SIPA1L3: variants seen among roughly 807,000 people sequenced by gnomAD.
The protein encoded by SIPA1L3 is signal induced proliferation associated 1 like 3, also known as signal-induced proliferation-associated 1-like protein 3.
A neutral mutation model predicts 150.1 loss-of-function variants in SIPA1L3; 59 were observed. That is an observed-to-expected ratio of 0.39 (90% CI 0.32 to 0.49). The LOEUF is 0.49. SIPA1L3 is among the 20% of genes least tolerant of loss of function. The pLI is 0.86. For synonymous variants in SIPA1L3, 1,070 were observed against 1,077.6 expected (o/e 0.99, Z 0.14); for missense variants, 2,211 against 2,489.5 (o/e 0.89, Z 2.38).
chr19:38,078,484 G>GCA (rs377675160), intron 2 of SIPA1L3, among the ~76,000 whole-genome samples: 9,472 of 127,982 alleles, frequency 0.074, 924 homozygotes, highest in African/African-American at 0.24. Context: ...ACACAGACAT[G>GCA]CACACACACA....
chr19:38,041,353 A>G lies in SIPA1L3; in HGVS notation c.-311+12197A>G, dbSNP rs1216756878. 2.2e-5 allele frequency among the ~76,000 whole-genome samples: 3 copies of G among 137,236 alleles called. 1 individual carries two copies. The Admixed American group carries it at 2.6e-4, about 12-fold the overall frequency. The allele number at this position is 137,236 out of a possible 152,430, so 90.0% of individuals were successfully genotyped here. Reference sequence around the variant, plus strand: ...GAGTGCTATGTCATGATCTGAGCTCACTGCAACCTCCGCCTCCCGGGTTCA... The same window carrying G: ...GAGTGCTATGTCATGATCTGAGCTCGCTGCAACCTCCGCCTCCCGGGTTCA... On this transcript the variant is annotated intron_variant, in intron 2 of 21. Transcript: ENST00000222345.
intron 6 of SIPA1L3, among the ~76,000 whole-genome samples, chr19:38,104,991 C>T (rs1346439063): frequency 2.0e-5 from 3 of 152,144 alleles, no homozygotes; most frequent in Non-Finnish European, 2.9e-5. Context: ...CGGCTCCCAA[C>T]CTGGCTCTGG....
rs771611871 is a variant in SIPA1L3 at position 38,142,674 on chromosome 19, C to T, written c.3497C>T (p.Ser1166Leu). ...TCTGGGAGCTTCTCCACCCCCGGTT[C>T]GGCCACCTACGTGAGATACAAGCCA... Reference protein sequence around the residue: ...QPSGSFSTPGSATYVRYKPSP... With the variant: ...QPSGSFSTPGLATYVRYKPSP... The change falls in exon 12 of 22, where the codon TCG becomes TTG. Residue 1166 changes from serine (S) to leucine (L), a missense_variant. By Grantham distance (145) the Ser-to-Leu change is moderately radical (BLOSUM62 -2). Transcript: ENST00000222345. The T allele has an allele frequency of 6.2e-6, 10 of 1,613,924 alleles. No homozygotes were observed. Among genetic ancestry groups the T allele is most frequent in the South Asian group, 2.2e-5 (2 of 91,056 alleles).
At chr19:38,193,871 G>A (rs866835722) in intron 18 of SIPA1L3, 91 bp downstream of exon 18, 1 of 1,355,414 alleles carries the variant, frequency 7.4e-7, no homozygotes, top group African/African-American at 1.5e-5. Flanking sequence ...GAGGTCAAAG[G>A]CTAGAGGTCA....
intron 1 of SIPA1L3, among the ~76,000 whole-genome samples, chr19:37,930,467 A>G (rs2046543816): frequency 3.9e-5 from 6 of 152,084 alleles, no homozygotes; most frequent in Admixed American, 3.9e-4. Flanking sequence ...CATAAATGTG[A>G]CTTATAATAA....
intron 2 of SIPA1L3, among the ~76,000 whole-genome samples, chr19:38,081,040 C>A (rs973283783): frequency 6.6e-6 from 1 of 151,598 alleles, no homozygotes; most frequent in Non-Finnish European, 1.5e-5. Flanking sequence ...GGTCACAAGG[C>A]TGGGTGAATA....
At chr19:38,197,064 G>A (rs1972972545) in intron 18 of SIPA1L3, among the ~76,000 whole-genome samples, 1 of 152,138 alleles carries the variant, frequency 6.6e-6, no homozygotes, top group Non-Finnish European at 1.5e-5. Flanking sequence ...TGTGAGCCCA[G>A]GCAAGGCAGC....
intron 10 of SIPA1L3, among the ~76,000 whole-genome samples, chr19:38,136,805 T>C (rs1309298683): frequency 6.6e-6 from 1 of 152,134 alleles, no homozygotes; most frequent in Non-Finnish European, 1.5e-5. Flanking sequence ...CATTTTCAGA[T>C]CACTGGGGAA....
intron 1 of SIPA1L3, among the ~76,000 whole-genome samples, chr19:37,967,950 C>T (rs759910763): frequency 7.8e-5 from 11 of 140,390 alleles, no homozygotes; most frequent in Admixed American, 2.1e-4. Flanking sequence ...TGAGCCCTGG[C>T]GCCCAGCCAC....
chr19:38,066,672 C>T (rs34900817), intron 2 of SIPA1L3, among the ~76,000 whole-genome samples: 14,077 of 151,484 alleles, frequency 0.093, 863 homozygotes, highest in Non-Finnish European at 0.14. Flanking sequence ...ACTAAAAATA[C>T]GATAATTAGC....
At chr19:38,079,554 T>G (rs1600023193) in intron 2 of SIPA1L3, among the ~76,000 whole-genome samples, 1 of 137,592 alleles carries the variant, frequency 7.3e-6, no homozygotes, top group African/African-American at 2.9e-5. Flanking sequence ...TTTTTGTTTT[T>G]GGGGATTTTT....
rs1310976216 is a variant in SIPA1L3 at position 38,047,573 on chromosome 19, C to CA, written c.-311+18418dup. ...TTCGACCTCGATCCCTCCTGCCACTCACTTTATAGTAGAGGCAGTCACAGG... is the reference window on the plus strand; with the variant it reads ...TTCGACCTCGATCCCTCCTGCCACTCAACTTTATAGTAGAGGCAGTCACAGG... On this transcript the variant is annotated intron_variant, in intron 2 of 21. Transcript: ENST00000222345. This position sits in a 1 kb window ranked among gnomAD's most constrained non-coding sequence, Gnocchi z 4.7. Among the ~76,000 whole-genome samples the CA allele has an allele frequency of 6.6e-6, 1 of 152,226 alleles. No individual in the cohort carries two copies. Among genetic ancestry groups the CA allele is most frequent in the African/African-American group, 2.4e-5 (1 of 41,460 alleles).
chr19:38,081,474 C>A lies in SIPA1L3; in HGVS notation c.-92C>A. ...GGGCCCAGCATCCTTCATCCTGGGCCTGGCTGCCCTGAACAATGGCTGAGG... is the reference window on the plus strand; with the variant it reads ...GGGCCCAGCATCCTTCATCCTGGGCATGGCTGCCCTGAACAATGGCTGAGG... On this transcript the variant is annotated 5_prime_UTR_variant, in exon 3 of 22. It adds an upstream start codon to the 5' untranslated region. Coordinates refer to ENST00000222345, the MANE Select transcript of SIPA1L3 (RefSeq NM_015073.3). 1 of 1,269,672 alleles carries A rather than the reference C, an allele frequency of 7.9e-7. No homozygotes were observed. The highest frequency in any genetic ancestry group is 1.1e-6 in the Non-Finnish European group (1 of 923,670). The allele number at this position is 1,269,672 out of a possible 1,614,324, so 78.7% of individuals were successfully genotyped here. A position where few individuals can be genotyped will look rare whatever the true frequency, so the allele number is the denominator to read the frequency against.
chr19:38,204,283 C>A, intron 21 of SIPA1L3, 75 bp downstream of exon 21: 1 of 1,269,564 alleles, frequency 7.9e-7, no homozygotes, highest in South Asian at 1.3e-5. Context: ...GATCAGGCAC[C>A]TGCCCCCGCC....
intron 4 of SIPA1L3, among the ~76,000 whole-genome samples, chr19:38,095,587 G>A (rs533456858): frequency 6.6e-6 from 1 of 152,308 alleles, no homozygotes; most frequent in African/African-American, 2.4e-5. Context: ...CAGGCTCTGA[G>A]CAGAGGAAGG....
intron 3 of SIPA1L3, among the ~76,000 whole-genome samples, chr19:38,086,256 T>TA (rs1970129378): frequency 6.6e-6 from 1 of 151,834 alleles, no homozygotes; most frequent in Admixed American, 6.6e-5. Context: ...GTGGATCAAA[T>TA]AAAGATCAAA....
At chr19:38,180,252 A>G (rs1313537600) in intron 15 of SIPA1L3, among the ~76,000 whole-genome samples, 1 of 152,142 alleles carries the variant, frequency 6.6e-6, no homozygotes, top group Admixed American at 6.6e-5. Flanking sequence ...CCTGGTTAAC[A>G]GTTGTTTTCT....
At chr19:38,203,553 C>T (rs754578217) in intron 20 of SIPA1L3, 8 of 152,596 alleles carry the variant, frequency 5.2e-5, no homozygotes, top group Non-Finnish European at 8.8e-5. Context: ...AATCCTAGCA[C>T]CAGCACGTGG....
At chr19:38,037,227 C>T (rs149296325) in intron 2 of SIPA1L3, among the ~76,000 whole-genome samples, 7 of 152,226 alleles carry the variant, frequency 4.6e-5, no homozygotes, top group African/African-American at 7.2e-5. Flanking sequence ...CCCAGAGGGC[C>T]GTGACAGCAT....
Sources: gnomAD v4.1 joint callset for allele counts (sites outside exome capture counted in the v4.1 genomes callset) on GRCh38, gnomAD v4.1.1 for gene constraint, Gnocchi (gnomAD v3.1) non-coding constraint, MANE v1.5 for transcripts, NCBI Gene and HGNC (gene_info 2026-07-23, HGNC 2026-07-21) for gene names.